EEF2K: variants seen among roughly 807,000 people sequenced by gnomAD.
EEF2K encodes eukaryotic elongation factor 2 kinase.
Under a neutral mutation model 93.8 loss-of-function variants are expected in EEF2K, and 70 were observed. The ratio of observed to expected loss-of-function variants is 0.75; its 90% CI spans 0.62 to 0.91. The LOEUF is 0.91. Among genes scored for constraint, EEF2K ranks in the 40% least tolerant of loss-of-function variants. The probability of loss-of-function intolerance (pLI) is 0.00; values close to 1 mark genes in which losing one functional copy is unlikely to be tolerated. For missense variants in EEF2K, 935 were observed against 972.9 expected, an observed-to-expected ratio of 0.96 and a Z score of 0.52; for synonymous variants, 376 against 380.8, an observed-to-expected ratio of 0.99 and a Z score of 0.15.
intron 11 of EEF2K, 50 bp downstream of exon 11, chr16:22,260,579 G>A: frequency 1.2e-6 from 2 of 1,609,620 alleles, no homozygotes; most frequent in African/African-American, 1.3e-5. Context: ...AGCAGGGGTA[G>A]GAGTGGATTC....
In EEF2K at chr16:22,276,138, G is replaced by A. The variant is rs549425932; in HGVS notation, c.1889+2388G>A. Among the ~76,000 whole-genome samples, 3 of 150,632 alleles carry A rather than the reference G, an allele frequency of 2.0e-5. No homozygotes were observed. In the South Asian group the frequency reaches 6.3e-4, roughly 32 times the overall value. ...TTTTATAATTTTTTGTAGAGACAAG[G>A]GCTTGCTATGATGCCCAGGCTGGTC... On this transcript the variant is annotated intron_variant, in intron 16 of 17. Coordinates refer to ENST00000263026, the MANE Select transcript of EEF2K (RefSeq NM_013302.5).
intron 1 of EEF2K, among the ~76,000 whole-genome samples, chr16:22,210,032 C>T (rs1225580334): frequency 3.3e-5 from 5 of 152,122 alleles, no homozygotes; most frequent in African/African-American, 1.2e-4. Context: ...TGGGCTCAAG[C>T]GATTCTTCTG....
intron 2 of EEF2K, among the ~76,000 whole-genome samples, chr16:22,239,963 C>T (rs906732101): frequency 4.6e-5 from 7 of 151,976 alleles, no homozygotes; most frequent in Non-Finnish European, 8.8e-5. Flanking sequence ...ATTAGCTGGG[C>T]GTGGTGGCGC....
chr16:22,227,118 G>A lies in EEF2K; in HGVS notation c.246+1143G>A, dbSNP rs907115492. Among the ~76,000 whole-genome samples, 4 of 152,316 alleles carry A rather than the reference G, an allele frequency of 2.6e-5. No homozygotes were observed. In the South Asian group the frequency reaches 8.3e-4, roughly 32 times the overall value. On this transcript the variant is annotated intron_variant, in intron 2 of 17. Coordinates refer to ENST00000263026, the MANE Select transcript of EEF2K (RefSeq NM_013302.5). ...AGAGGCTGAGGCAGGAGAATCACTT[G>A]AACCTGGGAGGTGGAAGTTGCGGTG...
At chr16:22,212,950 G>A (rs962631591) in intron 1 of EEF2K, among the ~76,000 whole-genome samples, 31 of 151,726 alleles carry the variant, frequency 2.0e-4, no homozygotes, top group African/African-American at 7.3e-4. Flanking sequence ...CTCCAGCCTG[G>A]ATGAGAGATC....
intron 2 of EEF2K, among the ~76,000 whole-genome samples, chr16:22,229,821 T>C (rs957027505): frequency 6.6e-6 from 1 of 152,240 alleles, no homozygotes; most frequent in African/African-American, 2.4e-5. Context: ...AACAGTTAAG[T>C]ATCAGTACTG....
At chr16:22,242,829 T>A (rs987450949) in intron 2 of EEF2K, among the ~76,000 whole-genome samples, 1 of 152,056 alleles carries the variant, frequency 6.6e-6, no homozygotes, top group Non-Finnish European at 1.5e-5. Context: ...AATGCTATGT[T>A]ATGTGTAAAG....
intron 3 of EEF2K, among the ~76,000 whole-genome samples, chr16:22,245,253 G>A (rs1172066867): frequency 6.6e-6 from 1 of 152,108 alleles, no homozygotes; most frequent in Non-Finnish European, 1.5e-5. Flanking sequence ...GGGCGTCAGA[G>A]TAACACTCCA....
intron 17 of EEF2K, among the ~76,000 whole-genome samples, chr16:22,282,663 G>A (rs1192006356): frequency 6.6e-6 from 1 of 152,226 alleles, no homozygotes; most frequent in Non-Finnish European, 1.5e-5. Context: ...CTTCTGGCAT[G>A]GGATGATACA....
chr16:22,263,590 C>T (rs1180201573), intron 12 of EEF2K, among the ~76,000 whole-genome samples: 2 of 152,182 alleles, frequency 1.3e-5, no homozygotes, highest in African/African-American at 2.4e-5. Context: ...GCCTGGGTGA[C>T]ACAGTGAACT....
intron 3 of EEF2K, among the ~76,000 whole-genome samples, chr16:22,248,510 A>G (rs1289835000): frequency 7.2e-5 from 11 of 152,162 alleles, no homozygotes; most frequent in Admixed American, 6.6e-4. Context: ...GGATATGGAA[A>G]TGGGGGACAT....
intron 15 of EEF2K, among the ~76,000 whole-genome samples, chr16:22,268,329 CCACCG>C (rs1305994966): frequency 6.6e-6 from 1 of 151,996 alleles, no homozygotes; most frequent in African/African-American, 2.4e-5. Flanking sequence ...CAGGTGCCTG[CCACCG>C]CACCCAGCTA....
chr16:22,267,784 A>G (rs1567286512), intron 15 of EEF2K, among the ~76,000 whole-genome samples: 1 of 152,184 alleles, frequency 6.6e-6, no homozygotes, highest in Admixed American at 6.5e-5. Flanking sequence ...GAGCTGAAGC[A>G]GCAGGGTGTG....
intron 6 of EEF2K, among the ~76,000 whole-genome samples, chr16:22,251,524 G>A (rs1179323332): frequency 1.3e-5 from 2 of 151,526 alleles, no homozygotes; most frequent in African/African-American, 2.4e-5. Flanking sequence ...AGGTTCAAGC[G>A]ATTCTCCTGC....
At chr16:22,266,617 C>T (rs2047522123) in intron 14 of EEF2K, 71 bp from the exon 15 acceptor site, 2 of 1,588,012 alleles carry the variant, frequency 1.3e-6, no homozygotes, top group African/African-American at 2.7e-5. Flanking sequence ...CTCCCGCAGG[C>T]TGGCTGGGCG....
chr16:22,282,508 G>C, intron 17 of EEF2K, among the ~76,000 whole-genome samples: 1 of 152,218 alleles, frequency 6.6e-6, no homozygotes, highest in East Asian at 1.9e-4. Flanking sequence ...AATCACCACT[G>C]TGAAGGTGTC....
intron 2 of EEF2K, among the ~76,000 whole-genome samples, chr16:22,239,144 C>T (rs2047196858): frequency 6.6e-6 from 1 of 151,496 alleles, no homozygotes; most frequent in African/African-American, 2.4e-5. Flanking sequence ...TAAGGTCTGG[C>T]ATGACTCTGT....
chr16:22,266,977 C>A, intron 15 of EEF2K, 101 bp downstream of exon 15: 1 of 1,415,848 alleles, frequency 7.1e-7, no homozygotes, highest in Non-Finnish European at 9.5e-7. Context: ...CACCTGCCTT[C>A]TATCCTGAGG....
chr16:22,251,476 A>G (rs2047352040), intron 6 of EEF2K, among the ~76,000 whole-genome samples, 154 bp downstream of exon 6: 1 of 150,996 alleles, frequency 6.6e-6, no homozygotes, highest in African/African-American at 2.4e-5. Context: ...GCTGGAGTGC[A>G]GTGGCATGAT....
Sources: gnomAD v4.1 joint callset for allele counts (sites outside exome capture counted in the v4.1 genomes callset) on GRCh38, gnomAD v4.1.1 for gene constraint, MANE v1.5 for transcripts, NCBI Gene and HGNC (gene_info 2026-07-23, HGNC 2026-07-21) for gene names.